SCHIP1: variants seen among roughly 807,000 people sequenced by gnomAD.
SCHIP1 encodes the protein schwannomin-interacting protein 1.
A neutral mutation model predicts 29.7 loss-of-function variants in SCHIP1; 8 were observed. The ratio of observed to expected loss-of-function variants is 0.27; its 90% confidence interval spans 0.16 to 0.49. The LOEUF is 0.49. Ranked by LOEUF, SCHIP1 falls within the 20% of genes least tolerant of loss-of-function variation. The pLI is 0.99. For synonymous variants in SCHIP1, 76 were observed against 94.9 expected (o/e 0.80, Z 1.16); for missense variants, 193 against 294.6 (o/e 0.66, Z 2.52).
chr3:159,309,969 G>C, the SCHIP1 span, among the ~76,000 whole-genome samples: 1 of 152,264 alleles, frequency 6.6e-6, no homozygotes, highest in East Asian at 1.9e-4. Flanking sequence ...AAGACTCAAA[G>C]ATATTTTTAG....
At chr3:159,794,030 C>T in the SCHIP1 span, among the ~76,000 whole-genome samples, 1 of 152,176 alleles carries the variant, frequency 6.6e-6, no homozygotes, top group Non-Finnish European at 1.5e-5. Context: ...AGGATAGTCT[C>T]CCCATAGCAA....
At chr3:159,667,507 C>T in the SCHIP1 span, among the ~76,000 whole-genome samples, 1 of 152,204 alleles carries the variant, frequency 6.6e-6, no homozygotes, top group Admixed American at 6.5e-5. Flanking sequence ...AGGCCGGAGA[C>T]TCAGGCCACA....
the SCHIP1 span, among the ~76,000 whole-genome samples, chr3:159,513,792 G>A: frequency 1.3e-5 from 2 of 152,180 alleles, no homozygotes; most frequent in East Asian, 3.9e-4. Context: ...CCAATCAAGC[G>A]ACTGCAGAAA....
the SCHIP1 span, among the ~76,000 whole-genome samples, chr3:159,562,948 A>C: frequency 6.6e-6 from 1 of 152,236 alleles, no homozygotes; most frequent in Non-Finnish European, 1.5e-5. Context: ...TAAATTCTAG[A>C]TTTGACAAAA....
chr3:159,753,689 GT>G, the SCHIP1 span, among the ~76,000 whole-genome samples: 2 of 152,122 alleles, frequency 1.3e-5, no homozygotes, highest in African/African-American at 4.8e-5. Context: ...CATGCAGAAA[GT>G]TTCAAAAATA....
the SCHIP1 span, among the ~76,000 whole-genome samples, chr3:159,355,202 A>C: frequency 6.6e-6 from 1 of 152,048 alleles, no homozygotes; most frequent in African/African-American, 2.4e-5. Flanking sequence ...GCACACATGC[A>C]CACACACATA....
the SCHIP1 span, among the ~76,000 whole-genome samples, chr3:159,480,830 G>T: frequency 2.6e-5 from 4 of 152,130 alleles, no homozygotes; most frequent in Non-Finnish European, 4.4e-5. Context: ...CACCAAATAG[G>T]CTTCGTTTGA....
the SCHIP1 span, among the ~76,000 whole-genome samples, chr3:159,572,845 A>T: frequency 1.3e-5 from 2 of 151,630 alleles, no homozygotes; most frequent in East Asian, 3.9e-4. Context: ...TGTTGAATTG[A>T]TCCCTTTACC....
the SCHIP1 span, among the ~76,000 whole-genome samples, chr3:159,667,043 T>C: frequency 6.6e-6 from 1 of 152,238 alleles, no homozygotes; most frequent in African/African-American, 2.4e-5. Context: ...ATAATGGCAA[T>C]GATGTGTGTG....
At chr3:159,632,612 A>G in the SCHIP1 span, among the ~76,000 whole-genome samples, 3 of 152,168 alleles carry the variant, frequency 2.0e-5, no homozygotes, top group African/African-American at 7.2e-5. Flanking sequence ...GTAGCCATGT[A>G]TCTCAAACTT....
the SCHIP1 span, among the ~76,000 whole-genome samples, chr3:159,702,835 T>G: frequency 6.6e-6 from 1 of 152,328 alleles, no homozygotes; most frequent in Non-Finnish European, 1.5e-5. Flanking sequence ...TTAAAATATT[T>G]TTCCAGTTCA....
the SCHIP1 span, among the ~76,000 whole-genome samples, chr3:159,629,329 T>G: frequency 6.6e-6 from 1 of 152,304 alleles, no homozygotes; most frequent in South Asian, 2.1e-4. Flanking sequence ...GAATTTTCTT[T>G]TTCTGGCTAA....
chr3:159,698,085 C>T, the SCHIP1 span, among the ~76,000 whole-genome samples: 1 of 152,348 alleles, frequency 6.6e-6, no homozygotes, highest in Admixed American at 6.5e-5. Flanking sequence ...CCACTGGTTC[C>T]CCTCACAGAA....
the SCHIP1 span, among the ~76,000 whole-genome samples, chr3:159,514,214 G>A: frequency 6.6e-5 from 10 of 152,124 alleles, no homozygotes; most frequent in Middle Eastern, 3.4e-3. Flanking sequence ...AATGTGCGTC[G>A]GAAAGGCCTG....
intron 5 of SCHIP1, among the ~76,000 whole-genome samples, chr3:159,890,404 C>G (rs925911716): frequency 3.9e-5 from 6 of 152,078 alleles, no homozygotes; most frequent in African/African-American, 7.2e-5. Flanking sequence ...AGACACTCTA[C>G]TAAGTGACAG....
the SCHIP1 span, among the ~76,000 whole-genome samples, chr3:159,636,274 C>T: frequency 6.6e-6 from 1 of 152,152 alleles, no homozygotes; most frequent in Non-Finnish European, 1.5e-5. Flanking sequence ...TCTTGAACTC[C>T]TGGCCTGAAG....
At chr3:159,599,347 G>A in the SCHIP1 span, among the ~76,000 whole-genome samples, 34 of 152,096 alleles carry the variant, frequency 2.2e-4, no homozygotes, top group Non-Finnish European at 3.5e-4. Context: ...AGATTTTGGT[G>A]CACCCATCAT....
At chr3:159,532,149 G>T in the SCHIP1 span, among the ~76,000 whole-genome samples, 278 of 152,188 alleles carry the variant, frequency 1.8e-3, no homozygotes, top group Non-Finnish European at 3.3e-3. Flanking sequence ...ACAATCAAGT[G>T]GAAATGGAAA....
the SCHIP1 span, among the ~76,000 whole-genome samples, chr3:159,584,693 A>G: frequency 6.6e-6 from 1 of 152,120 alleles, no homozygotes; most frequent in African/African-American, 2.4e-5. Flanking sequence ...CCTAACCAGC[A>G]ACATCAATAT....
Sources: gnomAD v4.1 joint callset for allele counts (sites outside exome capture counted in the v4.1 genomes callset) on GRCh38, gnomAD v4.1.1 for gene constraint, MANE v1.5 for transcripts, NCBI Gene and HGNC (gene_info 2026-07-23, HGNC 2026-07-21) for gene names.